Variants in WASHC4 observed in about 807,000 individuals in gnomAD.
The protein encoded by WASHC4 is WASH complex subunit 7.
WASHC4 carries 86 observed loss-of-function variants against 166.6 expected under a neutral mutation model. That is an observed-to-expected ratio of 0.52 (90% CI 0.43 to 0.62). The LOEUF (loss-of-function observed/expected upper bound fraction) is 0.62. WASHC4 is among the 20% of genes least tolerant of loss of function. The pLI is 0.00. For synonymous variants in WASHC4, 446 were observed against 451.6 expected (o/e 0.99, Z 0.16); for missense variants, 1,262 against 1,382.4 (o/e 0.91, Z 1.38).
chr12:105,130,151 G>T (rs1194901948), intron 13 of WASHC4, among the ~76,000 whole-genome samples: 1 of 152,184 alleles, frequency 6.6e-6, no homozygotes, highest in Non-Finnish European at 1.5e-5. Flanking sequence ...AGCCCAGGCT[G>T]TTAACTACTA....
Position 105,140,294 on chromosome 12 carries a change from G to A in WASHC4, c.1453G>A (p.Ala485Thr). The change falls in exon 16 of 33, where the codon GCA becomes ACA. Residue 485 changes from alanine (A) to threonine (T), a missense_variant and splice_region_variant. Transcript: ENST00000332180. ...GAAAATTATTTCTGATTCTTTTTAG[G>A]CAATAGAGCATATGTTCTACAGGAG... Reference protein sequence around the residue: ...ALCRLVELLKAIEHMFYRRSM... With the variant: ...ALCRLVELLKTIEHMFYRRSM... 7.5e-6 allele frequency: 12 copies of A among 1,604,718 alleles called. No individual in the cohort carries two copies. The highest frequency in any genetic ancestry group is 1.0e-5 in the Non-Finnish European group (12 of 1,171,670).
chr12:105,157,902 C>A (rs2440712), intron 28 of WASHC4, among the ~76,000 whole-genome samples: 152,323 of 152,324 alleles, frequency 1, 76,161 homozygotes, highest in Non-Finnish European at 1. Flanking sequence ...GTGCATTTGT[C>A]CCATAACACG....
At chr12:105,127,063 CT>C (rs1244035991) in intron 12 of WASHC4, 65 bp from the exon 13 acceptor site, 1 of 1,404,832 alleles carries the variant, frequency 7.1e-7, no homozygotes, top group Non-Finnish European at 1.0e-6. Context: ...TATTATAGAA[CT>C]TTTAAACAGC....
At chr12:105,109,602 A>G (rs1233957160) in intron 1 of WASHC4, among the ~76,000 whole-genome samples, 2 of 151,322 alleles carry the variant, frequency 1.3e-5, no homozygotes, top group Non-Finnish European at 2.9e-5. Context: ...GAATCCCTGA[A>G]CATACTAAAG....
rs75234357 is a variant in WASHC4, at chr12:105,113,821, A to G, written c.202-395A>G. 2.9e-3 allele frequency among the ~76,000 whole-genome samples: 443 copies of G among 152,078 alleles called. 19 individuals are homozygous for G. The East Asian group carries it at 0.072, about 25-fold the overall frequency. ...TATTTTCTGTCTTGTTTCATTCTTA[A>G]TTTATTTTGACCCTTTAGCTACAAT... On this transcript the variant is annotated intron_variant, in intron 2 of 32. Transcript: ENST00000332180.
At chr12:105,154,624 A>G (rs1200679385) in intron 26 of WASHC4, among the ~76,000 whole-genome samples, 4 of 152,136 alleles carry the variant, frequency 2.6e-5, no homozygotes, top group Non-Finnish European at 5.9e-5. Context: ...CTAGGTGCTG[A>G]TGATATTTAT....
At chr12:105,131,628 C>T (rs987389963) in intron 13 of WASHC4, among the ~76,000 whole-genome samples, 2 of 152,120 alleles carry the variant, frequency 1.3e-5, no homozygotes, top group South Asian at 2.1e-4. Context: ...CTTTTCTGTT[C>T]TCTCCTGTAC....
chr12:105,127,151 C>A lies in WASHC4; in HGVS notation c.1061C>A (p.Ala354Asp), dbSNP rs1369405445. 3 of 1,613,096 alleles carry A rather than the reference C, an allele frequency of 1.9e-6. No individual in the cohort carries two copies. Among genetic ancestry groups the A allele is most frequent in the South Asian group, 1.1e-5 (1 of 91,048 alleles). ...CKKVPAITLT[A>D]NIIWFPDNFL... ...CAGGTACCAGCCATCACTCTAACTG[C>A]TAATATTATTTGGTTTCCTGATAAT... The change falls in exon 13 of 33, where the codon GCT (alanine) becomes GAT (aspartate). Residue 354 changes from alanine to aspartate, a missense_variant. Transcript: ENST00000332180.
In WASHC4 at chr12:105,147,457, G is replaced by A. The variant is rs1592901624; in HGVS notation, c.2514+311G>A. The A allele has an allele frequency of 8.1e-6, 3 of 369,370 alleles. No individual in the cohort carries two copies. The East Asian group carries it at 1.9e-4, about 24-fold the overall frequency. The allele number at this position is 369,370 out of a possible 1,614,324, so 22.9% of individuals were successfully genotyped here. ...CACACATATATATATGTTTATCTGTGTTGATCTGTGATCCCTGAAAGTTTA... is the reference window on the plus strand; with the variant it reads ...CACACATATATATATGTTTATCTGTATTGATCTGTGATCCCTGAAAGTTTA... On this transcript the variant is annotated intron_variant, in intron 24 of 32. Transcript: ENST00000332180.
chr12:105,118,420 A>G (rs1880393736), intron 6 of WASHC4, 26 bp from the exon 7 acceptor site: 2 of 1,497,716 alleles, frequency 1.3e-6, no homozygotes, highest in Admixed American at 1.7e-5. Flanking sequence ...GTAACTTTAT[A>G]ATATATACCC....
chr12:105,163,496 G>A (rs558866655), intron 30 of WASHC4, among the ~76,000 whole-genome samples: 2 of 151,798 alleles, frequency 1.3e-5, no homozygotes, highest in East Asian at 3.9e-4. Flanking sequence ...TTTAGCAGTT[G>A]AAGTGTTTTT....
intron 14 of WASHC4, among the ~76,000 whole-genome samples, chr12:105,135,618 T>C (rs972452190): frequency 6.6e-6 from 1 of 152,062 alleles, no homozygotes; most frequent in Non-Finnish European, 1.5e-5. Flanking sequence ...TCATGCAATA[T>C]TCTTTACCAT....
intron 1 of WASHC4, among the ~76,000 whole-genome samples, chr12:105,108,245 G>A (rs533606566): frequency 4.7e-4 from 72 of 152,350 alleles, no homozygotes; most frequent in African/African-American, 1.7e-3. Context: ...GATTCTGAGC[G>A]TTCAGCTCTG....
At chr12:105,161,632 T>C (rs1160794725) in intron 29 of WASHC4, among the ~76,000 whole-genome samples, 1 of 152,198 alleles carries the variant, frequency 6.6e-6, no homozygotes, top group African/African-American at 2.4e-5. Flanking sequence ...TGTACTTGTG[T>C]TTGTAGTGTA....
chr12:105,139,011 C>G (rs983095621), intron 15 of WASHC4, among the ~76,000 whole-genome samples: 16 of 152,128 alleles, frequency 1.1e-4, no homozygotes, highest in Non-Finnish European at 2.4e-4. Flanking sequence ...GTTTATCATT[C>G]TCTTGTTTTT....
At position 105,141,185 on chromosome 12, in the gene WASHC4, G is replaced by T; in HGVS notation, c.1726G>T (p.Glu576Ter). 1.2e-6 allele frequency: 2 copies of T among 1,613,472 alleles called. No individual in the cohort carries two copies. The highest frequency in any genetic ancestry group is 1.7e-6 in the Non-Finnish European group (2 of 1,179,468). The change falls in exon 18 of 33, where the codon GAA becomes TAA. Residue 576 changes from glutamate to a stop codon, truncating the protein, a stop_gained. Coordinates refer to ENST00000332180, the MANE Select transcript of WASHC4 (RefSeq NM_015275.3). LOFTEE classifies it high-confidence loss of function. ...CTGATAGAAAACATTTAAAGATGAA[G>T]AACTCTTTCCACTTCAAGTAGTCAT... ...GTQMKTFKDE[E>*]LFPLQVVMKK...
intron 24 of WASHC4, 70 bp from the exon 25 acceptor site, chr12:105,149,545 A>G (rs1049548833): frequency 9.0e-6 from 10 of 1,112,772 alleles, no homozygotes; most frequent in Admixed American, 8.8e-5. Context: ...ATACAGTAAA[A>G]TTTATTTGAA....
intron 5 of WASHC4, among the ~76,000 whole-genome samples, chr12:105,115,437 GTAGA>G (rs1443512907): frequency 6.6e-6 from 1 of 151,922 alleles, no homozygotes; most frequent in Non-Finnish European, 1.5e-5. Flanking sequence ...AGTACTGTAG[GTAGA>G]TGAGAATTTT....
intron 24 of WASHC4, 30 bp from the exon 25 acceptor site, chr12:105,149,585 T>A (rs767191998): frequency 1.0e-5 from 13 of 1,301,904 alleles, no homozygotes; most frequent in Non-Finnish European, 1.3e-5. Flanking sequence ...ATATTAACTT[T>A]TTTCAACTTT....
Sources: allele counts gnomAD v4.1 joint callset (sites outside exome capture counted in the v4.1 genomes callset), GRCh38; gene constraint gnomAD v4.1.1; transcripts MANE v1.5; gene names NCBI Gene and HGNC (gene_info 2026-07-23, HGNC 2026-07-21).